Variants in KCND2 observed in about 807,000 individuals in gnomAD.
KCND2 encodes potassium voltage-gated channel subfamily D member 2, also known as A-type voltage-gated potassium channel KCND2.
KCND2 carries 16 observed loss-of-function variants against 54.4 expected under a neutral mutation model. The observed-to-expected ratio is 0.29, with a 90% CI of 0.20 to 0.45. The LOEUF (loss-of-function observed/expected upper bound fraction) is 0.45, where lower values mean the gene tolerates loss of function less well. KCND2 is among the 20% of genes least tolerant of loss of function. The pLI is 1.00. For synonymous variants in KCND2, 317 were observed against 310.7 expected (o/e 1.02, Z -0.21); for missense variants, 486 against 824.2 (o/e 0.59, Z 5.02).
chr7:120,356,217 G>A (rs1019634427), intron 1 of KCND2, among the ~76,000 whole-genome samples: 1 of 151,962 alleles, frequency 6.6e-6, no homozygotes, highest in African/African-American at 2.4e-5. Context: ...AAACTACTGA[G>A]ATGTAATATA....
intron 1 of KCND2, among the ~76,000 whole-genome samples, chr7:120,399,484 T>G (rs10953911): frequency 0.1 from 15,498 of 151,920 alleles, 831 homozygotes; most frequent in Admixed American, 0.13. Flanking sequence ...ATTTATGTAA[T>G]CTGATATAAA....
chr7:120,502,000 C>T (rs1267004097), intron 1 of KCND2, among the ~76,000 whole-genome samples: 1 of 151,966 alleles, frequency 6.6e-6, no homozygotes, highest in African/African-American at 2.4e-5. Flanking sequence ...GTGTTTTTAA[C>T]AAGTTCTTTG....
At chr7:120,603,970 T>A (rs1792846769) in intron 1 of KCND2, among the ~76,000 whole-genome samples, 1 of 152,186 alleles carries the variant, frequency 6.6e-6, no homozygotes. Flanking sequence ...CAGGACTGAA[T>A]CTCACCTCTT....
intron 1 of KCND2, among the ~76,000 whole-genome samples, chr7:120,443,357 A>ATAT (rs1491155616): frequency 1.0e-5 from 1 of 96,866 alleles, no homozygotes; most frequent in Non-Finnish European, 2.1e-5. Flanking sequence ...ATAATAAATA[A>ATAT]TAATAATAAT....
chr7:120,644,316 A>G (rs191309216), intron 1 of KCND2, among the ~76,000 whole-genome samples: 222 of 152,280 alleles, frequency 1.5e-3, no homozygotes, highest in Non-Finnish European at 2.6e-3. Flanking sequence ...ACTCAGCTCC[A>G]TTTCCGAGGC....
At chr7:120,329,172 A>C (rs1323243642) in intron 1 of KCND2, among the ~76,000 whole-genome samples, 1 of 141,492 alleles carries the variant, frequency 7.1e-6, no homozygotes, top group East Asian at 2.1e-4. Context: ...CCCAGGCTGG[A>C]GTGCAATGGC....
At chr7:120,634,509 G>A (rs1309016478) in intron 1 of KCND2, among the ~76,000 whole-genome samples, 1 of 151,852 alleles carries the variant, frequency 6.6e-6, no homozygotes, top group East Asian at 1.9e-4. Flanking sequence ...GAGAACCCTG[G>A]GTGTAATACT....
chr7:120,357,745 C>G (rs143767967), intron 1 of KCND2, among the ~76,000 whole-genome samples: 1 of 152,098 alleles, frequency 6.6e-6, no homozygotes, highest in East Asian at 1.9e-4. Context: ...AAAGCACCAG[C>G]TGGTTTGGTT....
intron 2 of KCND2, among the ~76,000 whole-genome samples, chr7:120,737,056 ACACACAC>A (rs1562924254): frequency 6.9e-6 from 1 of 145,204 alleles, no homozygotes; most frequent in African/African-American, 2.6e-5. Flanking sequence ...ACACACACAC[ACACACAC>A]ACACACACAC....
rs1429936011 is a variant in KCND2, at chr7:120,547,501, T to C, written c.1116-185402T>C. Among the ~76,000 whole-genome samples the C allele has an allele frequency of 2.6e-5, 4 of 151,912 alleles. No homozygotes were observed. In the East Asian group the frequency reaches 7.7e-4, roughly 29 times the overall value. ...AATGACAAGCAGAAACTCATAGATA[T>C]GTTTGTTGTGGTCCTAATAGAAGCA... On this transcript the variant is annotated intron_variant, in intron 1 of 5. Transcript: ENST00000331113.
At chr7:120,536,490 A>T (rs1041364102) in intron 1 of KCND2, among the ~76,000 whole-genome samples, 2 of 152,178 alleles carry the variant, frequency 1.3e-5, no homozygotes, top group African/African-American at 4.8e-5. Flanking sequence ...ATAGTATTTT[A>T]CCAAGAGTAG....
chr7:120,396,673 G>A (rs550544912), intron 1 of KCND2, among the ~76,000 whole-genome samples: 1 of 151,676 alleles, frequency 6.6e-6, no homozygotes, highest in Non-Finnish European at 1.5e-5. Flanking sequence ...ATGTGTGTGT[G>A]TGTGTGCACA....
intron 1 of KCND2, among the ~76,000 whole-genome samples, chr7:120,459,538 C>T (rs1802251412): frequency 6.6e-6 from 1 of 151,896 alleles, no homozygotes; most frequent in South Asian, 2.1e-4. Flanking sequence ...TTTTGTGTGC[C>T]CTTTGTATAA....
intron 1 of KCND2, among the ~76,000 whole-genome samples, chr7:120,399,389 GA>G (rs529284117): frequency 1.3e-5 from 2 of 151,202 alleles, no homozygotes; most frequent in Non-Finnish European, 2.9e-5. Flanking sequence ...AACATTAGAG[GA>G]AAAAAACAAA....
At chr7:120,511,533 A>G (rs551971379) in intron 1 of KCND2, among the ~76,000 whole-genome samples, 2 of 152,120 alleles carry the variant, frequency 1.3e-5, no homozygotes, top group Non-Finnish European at 2.9e-5. Context: ...GATACATGCA[A>G]TAATTGTTTT....
intron 1 of KCND2, among the ~76,000 whole-genome samples, chr7:120,639,684 G>A (rs1353739826): frequency 6.6e-6 from 1 of 152,188 alleles, no homozygotes; most frequent in Non-Finnish European, 1.5e-5. Flanking sequence ...GCATATGAGA[G>A]TAAGGAATTT....
At chr7:120,717,177 T>C (rs55983815) in intron 1 of KCND2, among the ~76,000 whole-genome samples, 38,065 of 151,954 alleles carry the variant, frequency 0.25, 5,263 homozygotes, top group East Asian at 0.43. Context: ...AGCATTAGGC[T>C]ACTATTGACC....
At chr7:120,593,919 A>G (rs894985320) in intron 1 of KCND2, among the ~76,000 whole-genome samples, 14 of 152,276 alleles carry the variant, frequency 9.2e-5, no homozygotes, top group Non-Finnish European at 1.8e-4. Flanking sequence ...CAGATGACCC[A>G]TTGACCACCA....
chr7:120,595,183 G>A (rs117936526), intron 1 of KCND2, among the ~76,000 whole-genome samples: 6,873 of 151,936 alleles, frequency 0.045, 286 homozygotes, highest in Non-Finnish European at 0.059. Flanking sequence ...GGGTGTGGTG[G>A]CTCATGCTTG....
Sources: gnomAD v4.1 joint callset for allele counts (sites outside exome capture counted in the v4.1 genomes callset) on GRCh38, gnomAD v4.1.1 for gene constraint, MANE v1.5 for transcripts, NCBI Gene and HGNC (gene_info 2026-07-23, HGNC 2026-07-21) for gene names.